PELI1: variants seen among roughly 807,000 people sequenced by gnomAD.
PELI1 encodes E3 ubiquitin-protein ligase pellino homolog 1.
In PELI1, 15 loss-of-function variants were observed where a neutral mutation model predicts 41.3. That is an observed-to-expected ratio of 0.36 (90% CI 0.24 to 0.56). The LOEUF (loss-of-function observed/expected upper bound fraction) is 0.56, where lower values mean the gene tolerates loss of function less well. Ranked by LOEUF, PELI1 falls within the 20% of genes least tolerant of loss-of-function variation. The pLI, the probability that PELI1 is intolerant of heterozygous loss-of-function variation, is 0.82. For missense variants in PELI1, 403 were observed against 525.5 expected (o/e 0.77, Z 2.28); for synonymous variants, 178 against 180.1 (o/e 0.99, Z 0.09).
chr2:64,094,299 A>G lies in PELI1; in HGVS notation c.*403T>C, dbSNP rs1680150161. 6.2e-6 allele frequency: 1 copy of G among 160,988 alleles called. No homozygotes were observed. The highest frequency in any genetic ancestry group is 1.7e-4 in the South Asian group (1 of 5,798). 10.0% of individuals were successfully genotyped at this position (160,988 alleles called of 1,614,324 possible). A position where few individuals can be genotyped will look rare whatever the true frequency, so the allele number is the denominator to read the frequency against. On this transcript the variant is annotated 3_prime_UTR_variant, in exon 7 of 7. Transcript: ENST00000358912. ...TCTATAATAAAGATAAATAGAAAAA[A>G]GTTAATATACATGTCGCTGTATTTT... is the stretch of plus-strand genomic sequence containing the variant.
intron 1 of PELI1, among the ~76,000 whole-genome samples, chr2:64,110,892 C>G (rs761115602): frequency 1.3e-5 from 2 of 151,270 alleles, no homozygotes; most frequent in Non-Finnish European, 2.9e-5. Flanking sequence ...CACCACTGCA[C>G]TCCAGCCTGG....
chr2:64,138,669 G>A (rs1302050077), intron 1 of PELI1, among the ~76,000 whole-genome samples: 11 of 152,200 alleles, frequency 7.2e-5, no homozygotes, highest in African/African-American at 2.4e-4. Flanking sequence ...AGAATTTGCA[G>A]TGACCTGAGA....
chr2:64,095,132 T>C lies in PELI1; in HGVS notation c.827A>G (p.Asn276Ser). 4 of 1,614,210 alleles carry C rather than the reference T, an allele frequency of 2.5e-6. No homozygotes were observed. In the South Asian group the frequency reaches 3.3e-5, roughly 13 times the overall value. The change falls in exon 7 of 7, where the codon AAT (asparagine) becomes AGT (serine). Residue 276 changes from asparagine (N) to serine (S), a missense_variant. Asn to Ser is a conservative substitution (Grantham distance 46, BLOSUM62 1). Coordinates refer to ENST00000358912, the MANE Select transcript of PELI1 (RefSeq NM_020651.4). ...TACAGGGCACTGAGGTCGTGCTGCA[T>C]TGATTTCCTGTCTTAAAGCTTCTAA... ...KHLEALRQEI[N>S]AARPQCPVGF...
chr2:64,103,980 A>T (rs1680532448), intron 3 of PELI1, among the ~76,000 whole-genome samples: 1 of 152,216 alleles, frequency 6.6e-6, no homozygotes. Flanking sequence ...AAGATGTGAA[A>T]TTCCCCCTCC....
Position 64,094,733 on chromosome 2 carries a change from A to C in PELI1, c.1226T>G (p.Ile409Ser), listed in dbSNP as rs1476141004. ...TAGAGGTCCTTGAAAAATAAGTCTG[A>C]TGTAGCCTTGTTCACCAGCCAACTG... Reference protein sequence around the residue: ...AHQLAGEQGYIRLIFQGPLD With the variant: ...AHQLAGEQGYSRLIFQGPLD The change falls in exon 7 of 7, where the codon ATC becomes AGC. Residue 409 changes from isoleucine to serine, a missense_variant. Ile to Ser is a moderately radical substitution (Grantham distance 142). Transcript: ENST00000358912. The C allele has an allele frequency of 6.2e-7, 1 of 1,613,954 alleles. No individual in the cohort carries two copies. Among genetic ancestry groups the C allele is most frequent in the Non-Finnish European group, 8.5e-7 (1 of 1,179,918 alleles).
chr2:64,109,952 AAAAAT>A (rs1488233402), intron 1 of PELI1, among the ~76,000 whole-genome samples: 1 of 152,002 alleles, frequency 6.6e-6, no homozygotes, highest in South Asian at 2.1e-4. Context: ...GTAAAGCTGA[AAAAAT>A]AAAGAGGCTG....
At chr2:64,101,153 A>AAGAG in intron 3 of PELI1, among the ~76,000 whole-genome samples, 1 of 152,330 alleles carries the variant, frequency 6.6e-6, no homozygotes, top group South Asian at 2.1e-4. Context: ...CTTGCAAAAT[A>AAGAG]AGAGGAATCT....
intron 1 of PELI1, among the ~76,000 whole-genome samples, chr2:64,129,158 T>G (rs1681476343): frequency 6.6e-6 from 1 of 152,192 alleles, no homozygotes; most frequent in Non-Finnish European, 1.5e-5. Context: ...TAATAAAGGT[T>G]TATTTTGTTT....
chr2:64,101,445 G>T (rs980806616), intron 3 of PELI1, among the ~76,000 whole-genome samples: 2 of 152,002 alleles, frequency 1.3e-5, no homozygotes, highest in African/African-American at 4.8e-5. Context: ...TTGCTAAAAA[G>T]AACTTTTCAG....
rs572677295 is a variant in PELI1, at chr2:64,144,079, A to G, written c.-70+2T>C. On this transcript the variant is annotated splice_donor_variant, in intron 1 of 6. Coordinates refer to ENST00000358912, the MANE Select transcript of PELI1 (RefSeq NM_020651.4). LOFTEE classifies it low-confidence loss of function (5UTR_SPLICE). ...CCCGCGGCGCCCCGCGGTCACACTTACCGGACAATTGCTGGTGGCCGGGAT... is the reference window on the plus strand; with the variant it reads ...CCCGCGGCGCCCCGCGGTCACACTTGCCGGACAATTGCTGGTGGCCGGGAT... The G allele has an allele frequency of 1.3e-5, 2 of 150,832 alleles. No homozygotes were observed. Among genetic ancestry groups the G allele is most frequent in the East Asian group, 3.9e-4 (2 of 5,078 alleles). The allele number at this position is 150,832 out of a possible 1,614,324, so 9.3% of individuals were successfully genotyped here. A position where few individuals can be genotyped will look rare whatever the true frequency, so the allele number is the denominator to read the frequency against.
chr2:64,120,056 T>C (rs934962631), intron 1 of PELI1, among the ~76,000 whole-genome samples: 8 of 152,166 alleles, frequency 5.3e-5, no homozygotes, highest in African/African-American at 1.9e-4. Flanking sequence ...TTGATCACAC[T>C]TGTTTATTTC....
intron 1 of PELI1, among the ~76,000 whole-genome samples, chr2:64,109,417 A>C (rs1680731005): frequency 6.6e-6 from 1 of 152,232 alleles, no homozygotes; most frequent in Non-Finnish European, 1.5e-5. Context: ...GCAGTGGTTC[A>C]CGCCTGTAAT....
At chr2:64,117,505 T>C (rs1576087683) in intron 1 of PELI1, among the ~76,000 whole-genome samples, 1 of 152,152 alleles carries the variant, frequency 6.6e-6, no homozygotes, top group East Asian at 1.9e-4. Context: ...AAATAGAGCA[T>C]ATATTCTCTG....
intron 1 of PELI1, among the ~76,000 whole-genome samples, chr2:64,115,965 C>T (rs144705908): frequency 4.8e-4 from 73 of 152,156 alleles, no homozygotes; most frequent in African/African-American, 1.6e-3. Flanking sequence ...TAGTGACCAA[C>T]GACAAATATT....
chr2:64,095,334 G>T (rs1680198150), intron 6 of PELI1, 66 bp from the exon 7 acceptor site: 17 of 1,038,760 alleles, frequency 1.6e-5, no homozygotes, highest in South Asian at 1.2e-4. Flanking sequence ...TAAGTGTTTT[G>T]GTTTTAAGTA....
intron 2 of PELI1, among the ~76,000 whole-genome samples, chr2:64,105,221 AT>A (rs1434980791): frequency 1.3e-5 from 2 of 152,192 alleles, no homozygotes; most frequent in Non-Finnish European, 2.9e-5. Flanking sequence ...TACAGTATGT[AT>A]TGTTTAAAAC....
At chr2:64,106,723 C>T (rs887434344) in intron 2 of PELI1, among the ~76,000 whole-genome samples, 3 of 152,198 alleles carry the variant, frequency 2.0e-5, no homozygotes, top group Non-Finnish European at 2.9e-5. Context: ...GCTAGCAGTG[C>T]TGAACAAGCA....
chr2:64,130,987 C>T (rs145066096), intron 1 of PELI1, among the ~76,000 whole-genome samples: 2 of 152,120 alleles, frequency 1.3e-5, no homozygotes, highest in East Asian at 3.9e-4. Flanking sequence ...TTTTCATTTT[C>T]AGACTAAAAT....
chr2:64,115,068 G>A (rs955485361), intron 1 of PELI1, among the ~76,000 whole-genome samples: 1 of 152,154 alleles, frequency 6.6e-6, no homozygotes, highest in Non-Finnish European at 1.5e-5. Context: ...TATTTTACTA[G>A]AATTGATAGG....
Sources: allele counts gnomAD v4.1 joint callset (sites outside exome capture counted in the v4.1 genomes callset), GRCh38; gene constraint gnomAD v4.1.1; transcripts MANE v1.5; gene names NCBI Gene and HGNC (gene_info 2026-07-23, HGNC 2026-07-21).